Variants in ATXN10 observed in about 807,000 individuals in gnomAD.
The protein encoded by ATXN10 is ataxin-10.
In ATXN10, 28 loss-of-function variants were observed where a neutral mutation model predicts 52.9. The ratio of observed to expected loss-of-function variants is 0.53; its 90% CI spans 0.39 to 0.73. The LOEUF (loss-of-function observed/expected upper bound fraction) is 0.73, where lower values mean the gene tolerates loss of function less well. ATXN10 is among the 30% of genes least tolerant of loss of function. The pLI, the probability that ATXN10 is intolerant of heterozygous loss-of-function variation, is 0.00. For synonymous variants in ATXN10, 226 were observed against 221.5 expected (o/e 1.02, Z -0.18); for missense variants, 565 against 577.0 (o/e 0.98, Z 0.21).
intron 5 of ATXN10, among the ~76,000 whole-genome samples, chr22:45,713,374 G>A (rs1257019705): frequency 1.3e-5 from 2 of 152,212 alleles, no homozygotes; most frequent in East Asian, 3.8e-4. Context: ...ATGATGTAAA[G>A]TGTAGTTAGT....
Position 45,827,172 on chromosome 22 carries a change from C to T in ATXN10, c.1238-15819C>T, listed in dbSNP as rs560085873. 3.8e-5 allele frequency among the ~76,000 whole-genome samples: 5 copies of T among 132,448 alleles called. 1 individual carries two copies. The highest frequency in any genetic ancestry group is 1.5e-4 in the Admixed American group (2 of 13,124). 86.9% of individuals were successfully genotyped at this position (132,448 alleles called of 152,430 possible). On this transcript the variant is annotated intron_variant, in intron 10 of 11. Coordinates refer to ENST00000252934, the MANE Select transcript of ATXN10 (RefSeq NM_013236.4). Reference sequence around the variant, plus strand: ...ACACACACACACACACACACACACACGGCTATAGAATATACACAAAAGGAA... The same window carrying T: ...ACACACACACACACACACACACACATGGCTATAGAATATACACAAAAGGAA...
In ATXN10 at chr22:45,831,949, G is replaced by A. The variant is rs575884502; in HGVS notation, c.1238-11042G>A. ...GTGCACATGGCAAACACCCCCTTCC[G>A]TCACCTGTACCCACCACCTGTCCAA... On this transcript the variant is annotated intron_variant, in intron 10 of 11. Coordinates refer to ENST00000252934, the MANE Select transcript of ATXN10 (RefSeq NM_013236.4). 9.9e-5 allele frequency among the ~76,000 whole-genome samples: 15 copies of A among 152,268 alleles called. No individual in the cohort carries two copies. In the South Asian group the frequency reaches 2.3e-3, roughly 23 times the overall value.
At chr22:45,809,655 A>G (rs563342380) in intron 10 of ATXN10, among the ~76,000 whole-genome samples, 1 of 152,202 alleles carries the variant, frequency 6.6e-6, no homozygotes, top group South Asian at 2.1e-4. Context: ...CACGCTGTAA[A>G]TGAGGCTTGG....
chr22:45,687,516 G>T (rs1421610280), intron 1 of ATXN10, among the ~76,000 whole-genome samples: 2 of 152,240 alleles, frequency 1.3e-5, no homozygotes, highest in African/African-American at 4.8e-5. Context: ...AGTCATCTCA[G>T]TAGGAAAAGA....
chr22:45,672,304 G>A (rs1349844665), intron 1 of ATXN10, 125 bp downstream of exon 1: 3 of 1,083,766 alleles, frequency 2.8e-6, no homozygotes, highest in East Asian at 8.5e-5. Context: ...AGGCCTGCGC[G>A]GGCTGCCTGA....
chr22:45,727,755 T>G lies in ATXN10; in HGVS notation c.729-1670T>G, dbSNP rs1924936772. ...TTAGGTCTAGTAACTGTTTTGTGAA[T>G]CTGGGAGCTTCAGAGTTAGGTGCAT... On this transcript the variant is annotated intron_variant, in intron 6 of 11. Transcript: ENST00000252934. This position sits in a 1 kb window ranked among gnomAD's most constrained non-coding sequence, Gnocchi z 4.6. 6.6e-6 allele frequency among the ~76,000 whole-genome samples: 1 copy of G among 152,212 alleles called. No individual in the cohort carries two copies. Among genetic ancestry groups the G allele is most frequent in the Non-Finnish European group, 1.5e-5 (1 of 68,036 alleles).
intron 9 of ATXN10, among the ~76,000 whole-genome samples, chr22:45,791,764 TG>T (rs1405286718): frequency 1.1e-4 from 17 of 152,206 alleles, no homozygotes; most frequent in Non-Finnish European, 1.9e-4. Context: ...CTGTCTTTCC[TG>T]GTTTTGGAAC....
intron 5 of ATXN10, among the ~76,000 whole-genome samples, chr22:45,716,213 T>C (rs980338672): frequency 1.1e-4 from 16 of 152,128 alleles, no homozygotes; most frequent in Admixed American, 5.9e-4. Flanking sequence ...TGCAGTGAGC[T>C]ATGATCGCAC....
At chr22:45,756,179 T>G (rs1926168827) in intron 9 of ATXN10, among the ~76,000 whole-genome samples, 1 of 152,182 alleles carries the variant, frequency 6.6e-6, no homozygotes, top group Non-Finnish European at 1.5e-5. Flanking sequence ...AAGGTTGTGC[T>G]TTCTCACCCA....
At chr22:45,792,233 G>T (rs62225984) in intron 9 of ATXN10, among the ~76,000 whole-genome samples, 4 of 152,042 alleles carry the variant, frequency 2.6e-5, no homozygotes, top group Non-Finnish European at 5.9e-5. Flanking sequence ...ATTAAGAGGA[G>T]GTAGACTTAA....
At chr22:45,776,095 C>G (rs755277229) in intron 9 of ATXN10, among the ~76,000 whole-genome samples, 1 of 152,098 alleles carries the variant, frequency 6.6e-6, no homozygotes, top group Non-Finnish European at 1.5e-5. Context: ...TTCATGTCCT[C>G]GAAATCAAGA....
chr22:45,793,392 A>G (rs1927586331), intron 9 of ATXN10: 1 of 316,234 alleles, frequency 3.2e-6, no homozygotes, highest in South Asian at 1.4e-4. Context: ...CATCATCCAA[A>G]TACCAGCTGA....
chr22:45,694,562 A>T (rs577422972), intron 3 of ATXN10, among the ~76,000 whole-genome samples: 7 of 151,824 alleles, frequency 4.6e-5, no homozygotes, highest in African/African-American at 7.3e-5. Flanking sequence ...CGGGCGGATC[A>T]TTTGAGGTCA....
chr22:45,693,379 A>G (rs1267267606), intron 3 of ATXN10, among the ~76,000 whole-genome samples: 1 of 152,174 alleles, frequency 6.6e-6, no homozygotes, highest in Non-Finnish European at 1.5e-5. Context: ...TGGAGGCTGG[A>G]AAGTCCAAGA....
At position 45,842,134 on chromosome 22, in the gene ATXN10, C is replaced by G. The variant is rs1929363730; in HGVS notation, c.1238-857C>G. ...GGGACACAGCCTCTCTTGGCAGTCTCTTACATATGTCCCTGGATCCAACCA... is the reference window on the plus strand; with the variant it reads ...GGGACACAGCCTCTCTTGGCAGTCTGTTACATATGTCCCTGGATCCAACCA... On this transcript the variant is annotated intron_variant, in intron 10 of 11. Transcript: ENST00000252934. This position sits in a 1 kb window ranked among gnomAD's most constrained non-coding sequence, Gnocchi z 4.8. Among the ~76,000 whole-genome samples, 1 of 152,194 alleles carries G rather than the reference C, an allele frequency of 6.6e-6. No individual in the cohort carries two copies. The highest frequency in any genetic ancestry group is 6.5e-5 in the Admixed American group (1 of 15,290).
intron 3 of ATXN10, 70 bp from the exon 4 acceptor site, chr22:45,700,212 T>C (rs1367519812): frequency 1.8e-6 from 2 of 1,106,588 alleles, no homozygotes; most frequent in Non-Finnish European, 2.6e-6. Context: ...TGGAGAATAT[T>C]TCTTAAGATG....
At position 45,784,873 on chromosome 22, in the gene ATXN10, C is replaced by T. The variant is rs544169736; in HGVS notation, c.1174-22086C>T. 6.6e-6 allele frequency among the ~76,000 whole-genome samples: 1 copy of T among 152,176 alleles called. No homozygotes were observed. Among genetic ancestry groups the T allele is most frequent in the Non-Finnish European group, 1.5e-5 (1 of 68,038 alleles). On this transcript the variant is annotated intron_variant, in intron 9 of 11. Transcript: ENST00000252934. The surrounding 1 kb of genome is among the most constrained non-coding windows in gnomAD (Gnocchi z 4.2). Reference sequence around the variant, plus strand: ...TGATGGCAAGGAGCTTATCATAATACAACAAGCAATTGAGATTCTGTCCAT... The same window carrying T: ...TGATGGCAAGGAGCTTATCATAATATAACAAGCAATTGAGATTCTGTCCAT...
chr22:45,702,427 CT>C (rs1923876145), intron 4 of ATXN10, among the ~76,000 whole-genome samples: 1 of 151,644 alleles, frequency 6.6e-6, no homozygotes, highest in African/African-American at 2.4e-5. Context: ...TCATTCTAAT[CT>C]TTTTCTCTAA....
chr22:45,672,468 C>T (rs183928976), intron 1 of ATXN10: 90 of 178,156 alleles, frequency 5.1e-4, no homozygotes, highest in African/African-American at 2.0e-3. Flanking sequence ...TGATGTTGAC[C>T]CAACACACGG....
Sources: allele counts gnomAD v4.1 joint callset (sites outside exome capture counted in the v4.1 genomes callset), GRCh38; gene constraint gnomAD v4.1.1; non-coding constraint Gnocchi (gnomAD v3.1); transcripts MANE v1.5; gene names NCBI Gene and HGNC (gene_info 2026-07-23, HGNC 2026-07-21).